The following ROBO1 variants were observed in gnomAD, a reference collection of about 807,000 sequenced individuals.
ROBO1 encodes roundabout homolog 1.
A neutral mutation model predicts 195.9 loss-of-function variants in ROBO1; 149 were observed. The observed-to-expected ratio is 0.76, with a 90% CI of 0.67 to 0.87. The LOEUF is 0.87. Among genes scored for constraint, ROBO1 ranks in the 40% least tolerant of loss-of-function variants. The pLI, the probability that ROBO1 is intolerant of heterozygous loss-of-function variation, is 0.00. For synonymous variants in ROBO1, 816 were observed against 733.2 expected (o/e 1.11, Z -1.82); for missense variants, 1,933 against 2,068.3 (o/e 0.93, Z 1.27).
At position 78,670,116 on chromosome 3, in the gene ROBO1, G is replaced by A. The variant is rs748668399; in HGVS notation, c.1528C>T (p.Leu510=). 1 of 1,613,370 alleles carries A rather than the reference G, an allele frequency of 6.2e-7. No homozygotes were observed. Among genetic ancestry groups the A allele is most frequent in the Non-Finnish European group, 8.5e-7 (1 of 1,179,546 alleles). ...GTTACCTTAGCATATCGGATCTGCAGTACTCCATTCTCCAACTGTTTGATT... is the reference window on the plus strand; with the variant it reads ...GTTACCTTAGCATATCGGATCTGCAATACTCCATTCTCCAACTGTTTGATT... The part of the protein sequence containing the change: ...SRIKQLENGV[L]QIRYAKLGDT... The change falls in exon 11 of 31, where the codon CTG becomes TTG. Residue 510 remains leucine, a synonymous_variant. Transcript: ENST00000464233.
chr3:78,866,287 T>C (rs1038183910), intron 4 of ROBO1, among the ~76,000 whole-genome samples: 5 of 152,212 alleles, frequency 3.3e-5, no homozygotes, highest in Admixed American at 1.3e-4. Context: ...AACTATTTCA[T>C]TGTTTATAAA....
chr3:78,816,883 G>T (rs1458376518), intron 4 of ROBO1, among the ~76,000 whole-genome samples: 5 of 152,128 alleles, frequency 3.3e-5, no homozygotes, highest in Non-Finnish European at 7.4e-5. Context: ...TGAGGATACT[G>T]TGAACATTGT....
chr3:79,455,898 A>G (rs1317047259), intron 2 of ROBO1, among the ~76,000 whole-genome samples: 1 of 152,162 alleles, frequency 6.6e-6, no homozygotes, highest in African/African-American at 2.4e-5. Flanking sequence ...GAGACTGCAT[A>G]TAACTAAGCT....
At chr3:78,942,989 C>T (rs2040220857) in intron 3 of ROBO1, among the ~76,000 whole-genome samples, 1 of 151,802 alleles carries the variant, frequency 6.6e-6, no homozygotes, top group African/African-American at 2.4e-5. Flanking sequence ...CCAAGGCGGG[C>T]AGATCACCAG....
rs746624265 is a variant in ROBO1 at position 79,177,229 on chromosome 3, C to G, written c.89-51690G>C. ...TCAAACCAGCAGAATAATAAACTTA[C>G]GTTTCAAAGACAGTGCAAATACAGG... On this transcript the variant is annotated intron_variant, in intron 2 of 30. Transcript: ENST00000464233. Among the ~76,000 whole-genome samples the G allele has an allele frequency of 1.3e-5, 2 of 152,136 alleles. 1 individual carries two copies. The highest frequency in any genetic ancestry group is 4.1e-4 in the South Asian group (2 of 4,822).
intron 2 of ROBO1, among the ~76,000 whole-genome samples, chr3:79,346,728 G>A (rs2035133691): frequency 6.6e-6 from 1 of 151,826 alleles, no homozygotes; most frequent in African/African-American, 2.4e-5. Flanking sequence ...ATTTCCTTAG[G>A]AGAGCTTCAC....
chr3:78,718,201 T>C (rs890732747), intron 5 of ROBO1, among the ~76,000 whole-genome samples: 1 of 152,012 alleles, frequency 6.6e-6, no homozygotes, highest in Non-Finnish European at 1.5e-5. Context: ...CCATAAAAAA[T>C]TGCGTGAATA....
intron 8 of ROBO1, 150 bp downstream of exon 8, chr3:78,714,247 T>G (rs1354572443): frequency 2.8e-6 from 2 of 707,392 alleles, no homozygotes; most frequent in East Asian, 6.4e-5. Context: ...CAAAACAATA[T>G]GTGTTCTTTA....
At chr3:78,696,642 A>G (rs2081297235) in intron 8 of ROBO1, among the ~76,000 whole-genome samples, 1 of 147,946 alleles carries the variant, frequency 6.8e-6, no homozygotes, top group Non-Finnish European at 1.5e-5. Flanking sequence ...ATGCATATAT[A>G]TATATATATA....
At chr3:79,222,594 T>C (rs2082159065) in intron 2 of ROBO1, among the ~76,000 whole-genome samples, 1 of 151,770 alleles carries the variant, frequency 6.6e-6, no homozygotes, top group African/African-American at 2.4e-5. Context: ...TCTCTTAAAC[T>C]GATAACATTT....
At chr3:79,041,648 G>C (rs575385556) in intron 3 of ROBO1, among the ~76,000 whole-genome samples, 1 of 152,156 alleles carries the variant, frequency 6.6e-6, no homozygotes, top group East Asian at 1.9e-4. Flanking sequence ...AATTCTGCAA[G>C]GACAGATCTG....
intron 3 of ROBO1, among the ~76,000 whole-genome samples, chr3:79,082,394 T>A (rs561391481): frequency 2.1e-3 from 325 of 152,258 alleles, no homozygotes; most frequent in African/African-American, 7.5e-3. Flanking sequence ...GTAGAAATTT[T>A]AAGAGGGAAG....
chr3:79,015,247 A>C (rs1227374708), intron 3 of ROBO1, among the ~76,000 whole-genome samples: 1 of 152,128 alleles, frequency 6.6e-6, no homozygotes, highest in Non-Finnish European at 1.5e-5. Context: ...TCGTATCGGA[A>C]CTACACAACA....
At chr3:79,102,429 G>A (rs1181326610) in intron 3 of ROBO1, among the ~76,000 whole-genome samples, 1 of 151,652 alleles carries the variant, frequency 6.6e-6, no homozygotes, top group African/African-American at 2.4e-5. Context: ...GAGGAATTAA[G>A]CTTATTAAAC....
intron 2 of ROBO1, among the ~76,000 whole-genome samples, chr3:79,174,757 G>A (rs1456026285): frequency 6.6e-6 from 1 of 151,284 alleles, no homozygotes; most frequent in East Asian, 2.0e-4. Flanking sequence ...TCAAGAGGCT[G>A]AGGTAGGAGA....
At position 79,291,416 on chromosome 3, in the gene ROBO1, C is replaced by T. The variant is rs184049720; in HGVS notation, c.89-165877G>A. On this transcript the variant is annotated intron_variant, in intron 2 of 30. Transcript: ENST00000464233. ...ATGAAATAACACTCTTTCCCTTCTT[C>T]ACCTGGTAATTTCAAAAATCATCTT... 3.1e-3 allele frequency among the ~76,000 whole-genome samples: 476 copies of T among 152,264 alleles called. 2 individuals carry two copies. The highest frequency in any genetic ancestry group is 5.6e-3 in the Non-Finnish European group (379 of 68,022).
intron 2 of ROBO1, among the ~76,000 whole-genome samples, chr3:79,409,333 A>C (rs2037677358): frequency 6.6e-6 from 1 of 152,156 alleles, no homozygotes; most frequent in African/African-American, 2.4e-5. Context: ...ATTCAGGTCT[A>C]TACCAAAAGC....
intron 4 of ROBO1, among the ~76,000 whole-genome samples, chr3:78,907,963 G>A (rs2038023569): frequency 6.6e-6 from 1 of 151,898 alleles, no homozygotes; most frequent in Admixed American, 6.6e-5. Flanking sequence ...GAAAGAAGCT[G>A]TATGCCGCCC....
At position 79,278,096 on chromosome 3, in the gene ROBO1, T is replaced by C. The variant is rs180696614; in HGVS notation, c.89-152557A>G. On this transcript the variant is annotated intron_variant, in intron 2 of 30. Transcript: ENST00000464233. ...ACAAAATAAATAAAATATCTAGTAA[T>C]AAATTTAGCAAGGAGATGAAAGACA... is the stretch of plus-strand genomic sequence containing the variant. 3.9e-5 allele frequency among the ~76,000 whole-genome samples: 6 copies of C among 152,066 alleles called. No individual in the cohort carries two copies. The East Asian group carries it at 1.2e-3, about 29-fold the overall frequency.
Sources: allele counts gnomAD v4.1 joint callset (sites outside exome capture counted in the v4.1 genomes callset), GRCh38; gene constraint gnomAD v4.1.1; transcripts MANE v1.5; gene names NCBI Gene and HGNC (gene_info 2026-07-23, HGNC 2026-07-21).